Variants in TIAM1 observed in about 807,000 individuals in gnomAD.
TIAM1 encodes TIAM Rac1 associated GEF 1.
In TIAM1, 65 loss-of-function variants were observed where a neutral mutation model predicts 163.5. The observed-to-expected ratio is 0.40, with a 90% confidence interval of 0.33 to 0.49. The LOEUF (loss-of-function observed/expected upper bound fraction) is 0.49. TIAM1 is among the 20% of genes least tolerant of loss of function. The pLI, the probability that TIAM1 is intolerant of heterozygous loss-of-function variation, is 0.77. For synonymous variants in TIAM1, 833 were observed against 810.1 expected, an observed-to-expected ratio of 1.03 and a Z score of -0.48; for missense variants, 1,789 against 2,044.7, an observed-to-expected ratio of 0.87 and a Z score of 2.41.
intron 16 of TIAM1, among the ~76,000 whole-genome samples, chr21:31,161,687 C>T (rs1050972525): frequency 5.3e-5 from 8 of 152,184 alleles, no homozygotes; most frequent in African/African-American, 1.9e-4. Flanking sequence ...CTAACATATT[C>T]AGCTGGAATA....
At chr21:31,464,837 C>A (rs1286354053) in intron 1 of TIAM1, among the ~76,000 whole-genome samples, 1 of 118,508 alleles carries the variant, frequency 8.4e-6, no homozygotes. Context: ...AGCAAGCTTC[C>A]GTCTCGGGAA....
chr21:31,211,309 G>T (rs77489435), intron 10 of TIAM1, among the ~76,000 whole-genome samples: 1 of 152,146 alleles, frequency 6.6e-6, no homozygotes, highest in African/African-American at 2.4e-5. Context: ...ACTTTCCTTA[G>T]ATTGATACAA....
intron 16 of TIAM1, among the ~76,000 whole-genome samples, chr21:31,156,279 T>C (rs2833312): frequency 0.015 from 2,352 of 152,348 alleles, 52 homozygotes; most frequent in African/African-American, 0.052. Flanking sequence ...AGCTTATTCA[T>C]TGCTAGCACT....
Position 31,400,120 on chromosome 21 carries a change from CT to C in TIAM1, c.-368-60699del, listed in dbSNP as rs3216556. Among the ~76,000 whole-genome samples the C allele has an allele frequency of 3.8e-3, 546 of 145,324 alleles. 5 individuals carry two copies. Among genetic ancestry groups the C allele is most frequent in the African/African-American group, 0.013 (492 of 39,098 alleles). On this transcript the variant is annotated intron_variant, in intron 2 of 28. Transcript: ENST00000286827. ...TAAGGGGAAATATAAGGACAACACT[CT>C]TTTTTTTTTTCCTTTTCTTTTTTTG... is the stretch of plus-strand genomic sequence containing the variant.
At chr21:31,394,692 T>TCTCTCTCTCTCTCTCG (rs2077023847) in intron 2 of TIAM1, among the ~76,000 whole-genome samples, 1 of 92,404 alleles carries the variant, frequency 1.1e-5, no homozygotes, top group Non-Finnish European at 2.3e-5. Context: ...ACTCATTCTC[T>TCTCTCTCTCTCTCTCG]CTCTCTCTCT....
At chr21:31,188,209 A>G (rs1601471791) in intron 13 of TIAM1, among the ~76,000 whole-genome samples, 3 of 152,174 alleles carry the variant, frequency 2.0e-5, no homozygotes, top group Non-Finnish European at 4.4e-5. Flanking sequence ...GCTAATTGCC[A>G]TCGCCCTCTC....
rs766975158 is a variant in TIAM1, at chr21:31,455,187, G to A, written c.-369+8796C>T. Among the ~76,000 whole-genome samples, 6 of 149,254 alleles carry A rather than the reference G, an allele frequency of 4.0e-5. No individual in the cohort carries two copies. In the East Asian group the frequency reaches 8.3e-4, roughly 21 times the overall value. On this transcript the variant is annotated intron_variant, in intron 2 of 28. Transcript: ENST00000286827. Reference sequence around the variant, plus strand: ...CCAGATACTTGGGTGGCTGAGGCAGGAGAACTGCTTGAATCCAAGAGGCAG... The same window carrying A: ...CCAGATACTTGGGTGGCTGAGGCAGAAGAACTGCTTGAATCCAAGAGGCAG...
At position 31,130,340 on chromosome 21, in the gene TIAM1, C is replaced by CA. The variant is rs1198394345; in HGVS notation, c.3943-26dup. The CA allele has an allele frequency of 1.9e-6, 3 of 1,590,142 alleles. No homozygotes were observed. In the African/African-American group the frequency reaches 4.0e-5, roughly 21 times the overall value. ...CCTGCAGAGGAGAAGGAACCAGCTG[C>CA]ATAAGAAGAATCTAACCTGCCCCGG... On this transcript the variant is annotated intron_variant, in intron 24 of 27. Transcript: ENST00000541036.
At chr21:31,326,703 G>A (rs2075499608) in intron 2 of TIAM1, among the ~76,000 whole-genome samples, 1 of 152,160 alleles carries the variant, frequency 6.6e-6, no homozygotes, top group South Asian at 2.1e-4. Context: ...CTAGATGAAA[G>A]GCATTTGTTA....
intron 15 of TIAM1, among the ~76,000 whole-genome samples, chr21:31,179,263 T>C (rs1326417327): frequency 2.6e-5 from 4 of 151,520 alleles, no homozygotes; most frequent in Admixed American, 1.3e-4. Flanking sequence ...GGCAGGTGCC[T>C]ATAATCCCAG....
intron 2 of TIAM1, among the ~76,000 whole-genome samples, chr21:31,353,067 T>C (rs1044210949): frequency 7.2e-5 from 11 of 152,074 alleles, no homozygotes; most frequent in African/African-American, 2.7e-4. Context: ...TTCACAATTA[T>C]GAAGATAAAA....
chr21:31,291,224 G>T (rs1335385210), intron 2 of TIAM1, among the ~76,000 whole-genome samples: 1 of 152,114 alleles, frequency 6.6e-6, no homozygotes, highest in Non-Finnish European at 1.5e-5. Flanking sequence ...AGAAATTTCA[G>T]TTCTACAGTC....
intron 12 of TIAM1, among the ~76,000 whole-genome samples, chr21:31,199,422 C>CT (rs1362260601): frequency 1.3e-5 from 2 of 152,084 alleles, no homozygotes; most frequent in African/African-American, 4.8e-5. Flanking sequence ...TGCATCCCCT[C>CT]TTTCGTGCCC....
chr21:31,352,514 T>G (rs2076251184), intron 2 of TIAM1, among the ~76,000 whole-genome samples: 1 of 151,192 alleles, frequency 6.6e-6, no homozygotes, highest in Non-Finnish European at 1.5e-5. Context: ...AAATATCATT[T>G]TCAACGTTTT....
At chr21:31,426,514 C>T (rs2043800392) in intron 2 of TIAM1, among the ~76,000 whole-genome samples, 1 of 152,104 alleles carries the variant, frequency 6.6e-6, no homozygotes, top group Admixed American at 6.6e-5. Context: ...AGGAAAGAAA[C>T]CAACTGTGGT....
chr21:31,130,144 T>C, intron 25 of TIAM1, 69 bp downstream of exon 25: 1 of 1,357,776 alleles, frequency 7.4e-7, no homozygotes, highest in South Asian at 1.2e-5. Context: ...AGAGTGTGGA[T>C]TCAAACAAAT....
chr21:31,266,621 G>C lies in TIAM1; in HGVS notation c.352C>G (p.Leu118Val), dbSNP rs1329242339. The stretch of plus-strand genomic sequence containing the variant: ...ATGCTCTGCACAGAGGCTGCTGTGA[G>C]GACGATGCTGCTGTCTACGCTGGGA... ...VTPSVDSSIV[L>V]TAASVQSMPD... Residue 118 changes from leucine to valine, a missense_variant, in exon 4 of 28, where the codon CTC (leucine) becomes GTC (valine). Leu to Val is a conservative substitution (Grantham distance 32, BLOSUM62 1). This residue lies in a region of TIAM1 where 555 missense variants were observed against 564.9 expected (regional missense o/e 0.98). Transcript: ENST00000541036. 5.0e-6 allele frequency: 8 copies of C among 1,614,198 alleles called. No homozygotes were observed. The East Asian group carries it at 1.3e-4, about 27-fold the overall frequency.
intron 5 of TIAM1, 147 bp from the exon 6 acceptor site, chr21:31,245,807 G>T: frequency 2.7e-6 from 2 of 754,132 alleles, no homozygotes; most frequent in Non-Finnish European, 3.7e-6. Flanking sequence ...AGCCAGGCTT[G>T]GACTCAAGTC....
intron 2 of TIAM1, among the ~76,000 whole-genome samples, chr21:31,373,130 A>G (rs1286522541): frequency 6.6e-6 from 1 of 151,958 alleles, no homozygotes; most frequent in African/African-American, 2.4e-5. Flanking sequence ...ACAAAAACAA[A>G]CACAAAAATT....
Sources: allele counts gnomAD v4.1 joint callset (sites outside exome capture counted in the v4.1 genomes callset), GRCh38; gene constraint gnomAD v4.1.1; regional missense constraint gnomAD v4.1.1; transcripts MANE v1.5; gene names NCBI Gene and HGNC (gene_info 2026-07-23, HGNC 2026-07-21).